RNF182: variants seen among roughly 807,000 people sequenced by gnomAD.
RNF182 encodes ring finger protein 182.
RNF182 carries 15 observed loss-of-function variants against 14.4 expected under a neutral mutation model. That is an observed-to-expected ratio of 1.04 (90% CI 0.70 to 1.60). The LOEUF (loss-of-function observed/expected upper bound fraction) is 1.60. Among genes scored for constraint, RNF182 ranks in the 40% most tolerant of loss-of-function variants. The probability of loss-of-function intolerance (pLI) is 0.00; values close to 1 mark genes in which losing one functional copy is unlikely to be tolerated. For missense variants in RNF182, 268 were observed against 294.8 expected (o/e 0.91, Z 0.67); for synonymous variants, 128 against 122.9 (o/e 1.04, Z -0.27).
intron 1 of RNF182, among the ~76,000 whole-genome samples, chr6:13,942,102 T>A (rs2113599149): frequency 6.6e-6 from 1 of 152,322 alleles, no homozygotes; most frequent in South Asian, 2.1e-4. Context: ...TTTCTTTCAG[T>A]ACTTTAAAGA....
Position 13,977,004 on chromosome 6 carries a change from T to C in RNF182, c.-116T>C, listed in dbSNP as rs534840969. On this transcript the variant is annotated 5_prime_UTR_variant, in exon 3 of 3. Coordinates refer to ENST00000488300, the MANE Select transcript of RNF182 (RefSeq NM_152737.4). ...GATTTCTGGTTTCTTTCACTACTTATCCTGCCTTTTTGCATCGCTGCCAGA... is the reference window on the plus strand; with the variant it reads ...GATTTCTGGTTTCTTTCACTACTTACCCTGCCTTTTTGCATCGCTGCCAGA... 5.4e-6 allele frequency: 6 copies of C among 1,110,544 alleles called. No individual in the cohort carries two copies. In the South Asian group the frequency reaches 6.1e-5, roughly 11 times the overall value. 68.8% of individuals were successfully genotyped at this position (1,110,544 alleles called of 1,614,324 possible).
At chr6:13,928,928 A>G (rs951544225) in intron 1 of RNF182, among the ~76,000 whole-genome samples, 1 of 152,112 alleles carries the variant, frequency 6.6e-6, no homozygotes, top group Admixed American at 6.6e-5. Context: ...GGGGACAGTG[A>G]TGGCTCTAAT....
In RNF182 at chr6:13,977,842, CTGTA is replaced by C; in HGVS notation, c.726_729del (p.Cys242TrpfsTer7). 6.2e-7 allele frequency: 1 copy of C among 1,612,940 alleles called. No homozygotes were observed. The highest frequency in any genetic ancestry group is 1.1e-5 in the South Asian group (1 of 91,008). Reference sequence around the variant, plus strand: ...AGTGTGTTTGTCATGAATTTCTAGACTGTATGGCACCTCCTTCTTAACTGATATG... The same window carrying C: ...AGTGTGTTTGTCATGAATTTCTAGACTGGCACCTCCTTCTTAACTGATATG... On this transcript the variant is annotated frameshift_variant, in exon 3 of 3. Coordinates refer to ENST00000488300, the MANE Select transcript of RNF182 (RefSeq NM_152737.4). LOFTEE classifies it high-confidence loss of function.
chr6:13,975,631 A>G (rs1270180461), intron 2 of RNF182, among the ~76,000 whole-genome samples: 2 of 152,198 alleles, frequency 1.3e-5, no homozygotes, highest in Admixed American at 1.3e-4. Context: ...AATATGTATT[A>G]ATAAGTCAAC....
At chr6:13,946,118 CTG>C (rs1759433089) in intron 1 of RNF182, among the ~76,000 whole-genome samples, 1 of 148,368 alleles carries the variant, frequency 6.7e-6, no homozygotes, top group South Asian at 2.1e-4. Context: ...TGGAAAGAAT[CTG>C]TATTATCTTT....
At chr6:13,933,261 C>T (rs759905203) in intron 1 of RNF182, among the ~76,000 whole-genome samples, 30 of 152,078 alleles carry the variant, frequency 2.0e-4, no homozygotes, top group Non-Finnish European at 3.5e-4. Flanking sequence ...TGGCCAGGTG[C>T]GTGTCTCACA....
Position 13,974,373 on chromosome 6 carries a change from A to T in RNF182, c.-212+9A>T, listed in dbSNP as rs184655202. 1 of 152,208 alleles carries T rather than the reference A, an allele frequency of 6.6e-6. No homozygotes were observed. Among genetic ancestry groups the T allele is most frequent in the African/African-American group, 2.4e-5 (1 of 41,528 alleles). The allele number at this position is 152,208 out of a possible 1,614,324, so 9.4% of individuals were successfully genotyped here. A position where few individuals can be genotyped will look rare whatever the true frequency, so the allele number is the denominator to read the frequency against. ...CTGGCCTTGGAATTAGAGTAGGTATATTTTTTACTGGATATTTGAATATTG... is the reference window on the plus strand; with the variant it reads ...CTGGCCTTGGAATTAGAGTAGGTATTTTTTTTACTGGATATTTGAATATTG... On this transcript the variant is annotated intron_variant, in intron 2 of 2. Coordinates refer to ENST00000488300, the MANE Select transcript of RNF182 (RefSeq NM_152737.4).
Position 13,976,805 on chromosome 6 carries a change from A to C in RNF182, c.-211-104A>C, listed in dbSNP as rs1202637485. ...GAAGGGGATTTAACCTTTTAAGTTTATTGCTTCTAATCCTTGAAGCTCAGA... is the reference window on the plus strand; with the variant it reads ...GAAGGGGATTTAACCTTTTAAGTTTCTTGCTTCTAATCCTTGAAGCTCAGA... On this transcript the variant is annotated intron_variant, in intron 2 of 2. Coordinates refer to ENST00000488300, the MANE Select transcript of RNF182 (RefSeq NM_152737.4). 8 of 300,350 alleles carry C rather than the reference A, an allele frequency of 2.7e-5. No individual in the cohort carries two copies. The East Asian group carries it at 4.9e-4, about 18-fold the overall frequency. 18.6% of individuals were successfully genotyped at this position (300,350 alleles called of 1,614,324 possible). A position where few individuals can be genotyped will look rare whatever the true frequency, so the allele number is the denominator to read the frequency against.
chr6:13,933,176 T>C (rs879816934), intron 1 of RNF182, among the ~76,000 whole-genome samples: 3 of 152,186 alleles, frequency 2.0e-5, no homozygotes, highest in Non-Finnish European at 4.4e-5. Flanking sequence ...TCAGGTAGTA[T>C]TGATTTTTTA....
chr6:13,968,657 G>A (rs1760098401), intron 1 of RNF182, among the ~76,000 whole-genome samples: 1 of 152,012 alleles, frequency 6.6e-6, no homozygotes, highest in Non-Finnish European at 1.5e-5. Context: ...TTTCATTTGG[G>A]GTGGTATTCA....
At chr6:13,946,563 G>GAACA (rs1381047457) in intron 1 of RNF182, among the ~76,000 whole-genome samples, 1 of 152,118 alleles carries the variant, frequency 6.6e-6, no homozygotes, top group African/African-American at 2.4e-5. Flanking sequence ...GTTAAGTCCT[G>GAACA]GGTCTGTTCA....
At chr6:13,954,249 T>C (rs1273255283) in intron 1 of RNF182, among the ~76,000 whole-genome samples, 2 of 152,234 alleles carry the variant, frequency 1.3e-5, no homozygotes, top group African/African-American at 4.8e-5. Flanking sequence ...TTAAATAATA[T>C]AACTGCAATG....
intron 1 of RNF182, among the ~76,000 whole-genome samples, chr6:13,938,222 A>G (rs1461149088): frequency 1.5e-5 from 2 of 132,670 alleles, no homozygotes; most frequent in Non-Finnish European, 3.1e-5. Context: ...TTTCACCGTG[A>G]TAGCCAGGAT....
rs114845155 is a variant in RNF182 at position 13,970,790 on chromosome 6, A to G, written c.-366-3420A>G. Among the ~76,000 whole-genome samples the G allele has an allele frequency of 3.2e-3, 492 of 152,374 alleles. 2 individuals carry two copies. In the East Asian group the frequency reaches 0.038, roughly 12 times the overall value. On this transcript the variant is annotated intron_variant, in intron 1 of 2. Coordinates refer to ENST00000488300, the MANE Select transcript of RNF182 (RefSeq NM_152737.4). ...TTGTGAAAAAAATTAATGGACTTAC[A>G]TACAGATCATATGGAAAAAGTAAGT...
intron 1 of RNF182, among the ~76,000 whole-genome samples, chr6:13,962,227 G>A (rs2113631599): frequency 6.6e-6 from 1 of 152,260 alleles, no homozygotes; most frequent in Non-Finnish European, 1.5e-5. Flanking sequence ...CTTTCTTGGA[G>A]GTAGATGCCA....
intron 1 of RNF182, among the ~76,000 whole-genome samples, chr6:13,951,227 G>A (rs1278042229): frequency 6.6e-6 from 1 of 152,174 alleles, no homozygotes; most frequent in African/African-American, 2.4e-5. Flanking sequence ...CCAGTTTTAA[G>A]TTTCTTAACT....
intron 1 of RNF182, among the ~76,000 whole-genome samples, chr6:13,941,583 T>G (rs896695486): frequency 2.2e-4 from 33 of 152,136 alleles, no homozygotes; most frequent in African/African-American, 6.8e-4. Context: ...ATTTGTTTTC[T>G]AACTGTCCTA....
chr6:13,931,386 C>CT (rs1291206959), intron 1 of RNF182, among the ~76,000 whole-genome samples: 1 of 152,132 alleles, frequency 6.6e-6, no homozygotes, highest in African/African-American at 2.4e-5. Context: ...GAGCAACATG[C>CT]TTTTTGCTAC....
At chr6:13,949,195 G>A in intron 1 of RNF182, 1 of 804,356 alleles carries the variant, frequency 1.2e-6, no homozygotes, top group South Asian at 1.3e-5. Flanking sequence ...TGTGTGTCAA[G>A]AATGCCTCTC....
Sources: allele counts gnomAD v4.1 joint callset (sites outside exome capture counted in the v4.1 genomes callset), GRCh38; gene constraint gnomAD v4.1.1; transcripts MANE v1.5; gene names NCBI Gene and HGNC (gene_info 2026-07-23, HGNC 2026-07-21).